BICC1: variants seen among roughly 807,000 people sequenced by gnomAD.
BICC1 encodes the protein protein bicaudal C homolog 1.
In BICC1, 43 loss-of-function variants were observed where a neutral mutation model predicts 111.0. The ratio of observed to expected loss-of-function variants is 0.39; its 90% CI spans 0.30 to 0.50. BICC1 has a LOEUF of 0.50. BICC1 is among the 20% of genes least tolerant of loss of function. The pLI, the probability that BICC1 is intolerant of heterozygous loss-of-function variation, is 0.88. For missense variants in BICC1, 1,091 were observed against 1,203.2 expected, an observed-to-expected ratio of 0.91 and a Z score of 1.38; for synonymous variants, 467 against 434.4, an observed-to-expected ratio of 1.07 and a Z score of -0.93.
intron 14 of BICC1, among the ~76,000 whole-genome samples, chr10:58,802,873 T>C (rs1169790545): frequency 1.3e-5 from 2 of 152,198 alleles, no homozygotes; most frequent in Non-Finnish European, 2.9e-5. Context: ...ATTAGAGGTA[T>C]GACCTTGGAC....
Position 58,715,913 on chromosome 10 carries a change from C to A in BICC1, c.307+13770C>A, listed in dbSNP as rs542008166. Reference sequence around the variant, plus strand: ...GATTCTTCCAGCAATTCTTCTGATTCTGAAGATGAGGATAAGAAACAAGGA... The same window carrying A: ...GATTCTTCCAGCAATTCTTCTGATTATGAAGATGAGGATAAGAAACAAGGA... On this transcript the variant is annotated intron_variant, in intron 3 of 20. Transcript: ENST00000373886. The A allele has an allele frequency of 2.4e-6, 3 of 1,270,752 alleles. No individual in the cohort carries two copies. The Admixed American group carries it at 6.0e-5, about 25-fold the overall frequency. The allele number at this position is 1,270,752 out of a possible 1,614,324, so 78.7% of individuals were successfully genotyped here. A position where few individuals can be genotyped will look rare whatever the true frequency, so the allele number is the denominator to read the frequency against.
At chr10:58,601,383 T>C (rs1304806327) in intron 1 of BICC1, among the ~76,000 whole-genome samples, 2 of 151,582 alleles carry the variant, frequency 1.3e-5, no homozygotes, top group Non-Finnish European at 2.9e-5. Flanking sequence ...CATTTTTCCT[T>C]ATTGCTTCAA....
chr10:58,686,859 G>A (rs552280160), intron 2 of BICC1, among the ~76,000 whole-genome samples: 112 of 152,314 alleles, frequency 7.4e-4, no homozygotes, highest in Non-Finnish European at 1.3e-3. Flanking sequence ...ATCGTCTGAA[G>A]CCTTCTTCTT....
At chr10:58,521,394 C>A (rs1278675765) in intron 1 of BICC1, among the ~76,000 whole-genome samples, 1 of 152,144 alleles carries the variant, frequency 6.6e-6, no homozygotes, top group East Asian at 1.9e-4. Context: ...AGCCCGCTGT[C>A]CCAACCACTT....
At chr10:58,530,697 AAAAAG>A (rs1490756590) in intron 1 of BICC1, among the ~76,000 whole-genome samples, 134 of 142,980 alleles carry the variant, frequency 9.4e-4, no homozygotes, top group African/African-American at 3.1e-3. Flanking sequence ...AAAAAAAAAA[AAAAAG>A]AAAATCAGAA....
chr10:58,682,387 A>G (rs1440121141), intron 2 of BICC1, among the ~76,000 whole-genome samples: 1 of 151,224 alleles, frequency 6.6e-6, no homozygotes, highest in Non-Finnish European at 1.5e-5. Context: ...ATACCTAGTA[A>G]TAGGATGGCT....
rs144478773 is a variant in BICC1, at chr10:58,529,941, G to A, written c.190+16608G>A. 2.0e-3 allele frequency among the ~76,000 whole-genome samples: 296 copies of A among 151,648 alleles called. 1 individual carries two copies. Among genetic ancestry groups the A allele is most frequent in the Middle Eastern group, 0.014 (4 of 294 alleles). On this transcript the variant is annotated intron_variant, in intron 1 of 20. Transcript: ENST00000373886. Reference sequence around the variant, plus strand: ...TTTAAAAGTTTTGCATAAATGATTAGCTTTCAAGCTTGTGAAAGTTTTTTT... The same window carrying A: ...TTTAAAAGTTTTGCATAAATGATTAACTTTCAAGCTTGTGAAAGTTTTTTT...
chr10:58,812,782 A>T (rs774924736), intron 17 of BICC1, among the ~76,000 whole-genome samples: 9 of 152,080 alleles, frequency 5.9e-5, no homozygotes, highest in Non-Finnish European at 1.0e-4. Flanking sequence ...CCGGCCTATG[A>T]TTCTTAAATT....
At chr10:58,556,051 T>G (rs1228770427) in intron 1 of BICC1, among the ~76,000 whole-genome samples, 2 of 152,150 alleles carry the variant, frequency 1.3e-5, no homozygotes, top group Non-Finnish European at 2.9e-5. Flanking sequence ...TTTGTAAGAT[T>G]GTGGAATTTC....
At chr10:58,592,903 A>AT (rs1844678161) in intron 1 of BICC1, among the ~76,000 whole-genome samples, 2 of 132,108 alleles carry the variant, frequency 1.5e-5, no homozygotes, top group Non-Finnish European at 3.3e-5. Context: ...AAAAAAAAAA[A>AT]TCCTCTGCAT....
At chr10:58,531,548 A>C (rs1393526033) in intron 1 of BICC1, among the ~76,000 whole-genome samples, 2 of 151,852 alleles carry the variant, frequency 1.3e-5, no homozygotes, top group Admixed American at 6.6e-5. Flanking sequence ...AATATGGTCC[A>C]ATCAGAAGAA....
chr10:58,670,360 T>C (rs979700903), intron 2 of BICC1, among the ~76,000 whole-genome samples: 3 of 152,174 alleles, frequency 2.0e-5, no homozygotes, highest in African/African-American at 7.2e-5. Flanking sequence ...TACAAATGTA[T>C]ATATCTATTT....
rs1281069766 is a variant in BICC1 at position 58,796,593 on chromosome 10, C to T, written c.1366+67C>T. ...AATGCTTGTCTGGTTCCCTTTCTTT[C>T]TACCATTCGGGTCTACATTTAAAGG... On this transcript the variant is annotated intron_variant, in intron 10 of 20. Transcript: ENST00000373886. 2.2e-5 allele frequency: 33 copies of T among 1,469,244 alleles called. No individual in the cohort carries two copies. In the Middle Eastern group the frequency reaches 2.2e-3, roughly 99 times the overall value. The allele number at this position is 1,469,244 out of a possible 1,614,324, so 91.0% of individuals were successfully genotyped here.
At chr10:58,593,807 C>T (rs762986492) in intron 1 of BICC1, among the ~76,000 whole-genome samples, 11 of 152,128 alleles carry the variant, frequency 7.2e-5, no homozygotes, top group Non-Finnish European at 8.8e-5. Flanking sequence ...AAAACCAGAA[C>T]GCCTCTTCTC....
At chr10:58,718,784 GTGCGCACGCC>G (rs1254761089) in intron 3 of BICC1, among the ~76,000 whole-genome samples, 154 of 151,296 alleles carry the variant, frequency 1.0e-3, no homozygotes, top group African/African-American at 3.6e-3. Context: ...GCGTGCGCGC[GTGCGCACGCC>G]CGCGTGCTTA....
At chr10:58,517,789 A>C (rs1365740) in intron 1 of BICC1, among the ~76,000 whole-genome samples, 82,048 of 151,984 alleles carry the variant, frequency 0.54, 23,206 homozygotes, top group African/African-American at 0.71. Flanking sequence ...GTAGTTTTGA[A>C]AATGAAGAGG....
chr10:58,811,550 G>A (rs1428321456), intron 17 of BICC1, among the ~76,000 whole-genome samples: 2 of 152,184 alleles, frequency 1.3e-5, no homozygotes, highest in Non-Finnish European at 2.9e-5. Context: ...TAGTTGTAGG[G>A]AAAGGAGTCC....
chr10:58,543,317 C>G (rs1843046122), intron 1 of BICC1, among the ~76,000 whole-genome samples: 1 of 152,034 alleles, frequency 6.6e-6, no homozygotes, highest in South Asian at 2.1e-4. Flanking sequence ...TAGCCATACT[C>G]TTAGAAACAG....
At chr10:58,592,731 G>T (rs1249671781) in intron 1 of BICC1, among the ~76,000 whole-genome samples, 1 of 150,496 alleles carries the variant, frequency 6.6e-6, no homozygotes, top group Non-Finnish European at 1.5e-5. Context: ...AAAAAAAATA[G>T]CTGGGCCTGT....
Sources: gnomAD v4.1 joint callset for allele counts (sites outside exome capture counted in the v4.1 genomes callset) on GRCh38, gnomAD v4.1.1 for gene constraint, MANE v1.5 for transcripts, NCBI Gene and HGNC (gene_info 2026-07-23, HGNC 2026-07-21) for gene names.